Variants in SBF2 observed in about 807,000 individuals in gnomAD.
SBF2 encodes SET binding factor 2.
SBF2 carries 112 observed loss-of-function variants against 225.2 expected under a neutral mutation model. The observed-to-expected ratio is 0.50, with a 90% confidence interval of 0.43 to 0.58. SBF2 has a LOEUF of 0.58. Among genes scored for constraint, SBF2 ranks in the 20% least tolerant of loss-of-function variants. The pLI is 0.00. For missense variants in SBF2, 1,996 were observed against 2,206.2 expected, an observed-to-expected ratio of 0.90 and a Z score of 1.91; for synonymous variants, 763 against 773.3, an observed-to-expected ratio of 0.99 and a Z score of 0.22.
At chr11:10,169,431 G>A (rs957386019) in intron 2 of SBF2, among the ~76,000 whole-genome samples, 1 of 152,142 alleles carries the variant, frequency 6.6e-6, no homozygotes, top group Non-Finnish European at 1.5e-5. Context: ...AAGTGAGAAT[G>A]TGCAAAGTTT....
At chr11:9,959,373 G>T (rs1866409366) in intron 16 of SBF2, 1 of 794,988 alleles carries the variant, frequency 1.3e-6, no homozygotes, top group Admixed American at 1.7e-5. Flanking sequence ...CAACCAAAGG[G>T]GTGCCCGTCT....
intron 16 of SBF2, chr11:9,958,079 T>C (rs1362137997): frequency 6.6e-6 from 1 of 152,138 alleles, no homozygotes; most frequent in Admixed American, 6.6e-5. Flanking sequence ...GGTCTTCCCC[T>C]CTCAGGTCCC....
chr11:9,954,749 A>C (rs985466937), intron 16 of SBF2, among the ~76,000 whole-genome samples: 1 of 152,172 alleles, frequency 6.6e-6, no homozygotes. Context: ...ATTCAAATGA[A>C]AAATATTTGT....
intron 9 of SBF2, among the ~76,000 whole-genome samples, chr11:9,996,885 C>T (rs1475572325): frequency 1.3e-5 from 2 of 152,194 alleles, no homozygotes; most frequent in Non-Finnish European, 1.5e-5. Flanking sequence ...AACATTCAAC[C>T]TACAGGTAAA....
At chr11:9,833,364 A>G (rs12416694) in intron 26 of SBF2, among the ~76,000 whole-genome samples, 31,273 of 151,724 alleles carry the variant, frequency 0.21, 3,545 homozygotes, top group Non-Finnish European at 0.26. Context: ...ATATTACACA[A>G]AACAGATTTT....
chr11:10,266,122 A>G (rs1961959765), intron 1 of SBF2, among the ~76,000 whole-genome samples: 2 of 152,322 alleles, frequency 1.3e-5, no homozygotes, highest in African/African-American at 4.8e-5. Context: ...GCTACTACTC[A>G]TACTTTTATC....
intron 26 of SBF2, chr11:9,839,169 CTT>C: frequency 2.9e-6 from 1 of 343,308 alleles, no homozygotes; most frequent in Non-Finnish European, 5.6e-6. Flanking sequence ...CTACAAAAGA[CTT>C]TCATGTCCTC....
chr11:9,787,682 C>T lies in SBF2; in HGVS notation c.4989G>A (p.Leu1663=), dbSNP rs756245163. 1 of 1,614,134 alleles carries T rather than the reference C, an allele frequency of 6.2e-7. No homozygotes were observed. Among genetic ancestry groups the T allele is most frequent in the African/African-American group, 1.3e-5 (1 of 74,936 alleles). The change falls in exon 36 of 40, where the codon CTG becomes CTA. Residue 1663 remains leucine, a synonymous_variant. Transcript: ENST00000256190. ...LNQAPEKWQQ[L]WERVTVDLKE... ...TAAGGTCCACGGTTACCCTTTCCCA[C>T]AGCTGCTGCCACTTCTCAGGGGCTT...
chr11:9,969,382 T>C (rs930626896), intron 13 of SBF2, among the ~76,000 whole-genome samples: 3 of 152,232 alleles, frequency 2.0e-5, no homozygotes, highest in Non-Finnish European at 4.4e-5. Context: ...AGTATGTCAG[T>C]TCATCACATA....
intron 16 of SBF2, among the ~76,000 whole-genome samples, chr11:9,896,924 G>A (rs1344311249): frequency 6.6e-6 from 1 of 152,112 alleles, no homozygotes; most frequent in East Asian, 1.9e-4. Context: ...AGGTAAAATG[G>A]CACAGTGACT....
Position 9,845,585 on chromosome 11 carries a change from C to T in SBF2, c.3090G>A (p.Lys1030=). ...CTTACCGAAAAGAAGTGTTCTTTTCCTTCTGTTTTGGTAAAATTATTTGTG... is the reference window on the plus strand; with the variant it reads ...CTTACCGAAAAGAAGTGTTCTTTTCTTTCTGTTTTGGTAAAATTATTTGTG... ...TTPQIILPKQ[K]EKNTSFRTFS... The change falls in exon 24 of 40, where the codon AAG becomes AAA. Residue 1030 remains lysine (K), a synonymous_variant. Coordinates refer to ENST00000256190, the MANE Select transcript of SBF2 (RefSeq NM_030962.4). The T allele has an allele frequency of 6.2e-7, 1 of 1,613,744 alleles. No individual in the cohort carries two copies. The highest frequency in any genetic ancestry group is 8.5e-7 in the Non-Finnish European group (1 of 1,179,714).
At chr11:9,905,373 A>G (rs192640414) in intron 16 of SBF2, among the ~76,000 whole-genome samples, 1 of 152,364 alleles carries the variant, frequency 6.6e-6, no homozygotes, top group Non-Finnish European at 1.5e-5. Context: ...AAAGAACAGT[A>G]GAACAAATGA....
At chr11:9,825,412 GTGA>G (rs1290463164) in intron 28 of SBF2, among the ~76,000 whole-genome samples, 2 of 152,178 alleles carry the variant, frequency 1.3e-5, no homozygotes, top group Non-Finnish European at 2.9e-5. Flanking sequence ...TTCCAGAACT[GTGA>G]GACAATAGTT....
chr11:10,012,903 G>A (rs1948511527), intron 6 of SBF2, among the ~76,000 whole-genome samples: 1 of 151,998 alleles, frequency 6.6e-6, no homozygotes, highest in Admixed American at 6.6e-5. Flanking sequence ...GGCTTCCTAG[G>A]GGTTATCCCT....
intron 17 of SBF2, among the ~76,000 whole-genome samples, chr11:9,874,779 T>C (rs1289675245): frequency 1.3e-5 from 2 of 152,220 alleles, no homozygotes. Flanking sequence ...TATTATTGGA[T>C]AAGTCACCTA....
Position 10,294,116 on chromosome 11 carries a change from G to A in SBF2, c.-47C>T. On this transcript the variant is annotated 5_prime_UTR_variant, in exon 1 of 40. It introduces an in-frame stop codon into an upstream open reading frame of the 5' UTR. Transcript: ENST00000256190. ...GAAGCGGGTCCCCGTCGCCGCCCTC[G>A]CCGCCGCCGCCCACCCGGCCCGGGA... 3.1e-6 allele frequency: 4 copies of A among 1,276,562 alleles called. No individual in the cohort carries two copies. The highest frequency in any genetic ancestry group is 2.4e-5 in the South Asian group (1 of 42,118). 79.1% of individuals were successfully genotyped at this position (1,276,562 alleles called of 1,614,324 possible). A position where few individuals can be genotyped will look rare whatever the true frequency, so the allele number is the denominator to read the frequency against.
At chr11:9,835,228 G>A (rs1444969772) in intron 26 of SBF2, among the ~76,000 whole-genome samples, 1 of 151,862 alleles carries the variant, frequency 6.6e-6, no homozygotes, top group Non-Finnish European at 1.5e-5. Context: ...CAAAACCTAG[G>A]TGATATCACT....
At chr11:9,928,416 T>C (rs1452456425) in intron 16 of SBF2, among the ~76,000 whole-genome samples, 1 of 152,144 alleles carries the variant, frequency 6.6e-6, no homozygotes, top group East Asian at 1.9e-4. Flanking sequence ...ACACACCTAT[T>C]AGGATGGCTT....
At chr11:9,931,080 T>C (rs914606757) in intron 16 of SBF2, among the ~76,000 whole-genome samples, 1 of 152,246 alleles carries the variant, frequency 6.6e-6, no homozygotes, top group East Asian at 1.9e-4. Flanking sequence ...GCAGCTTGCG[T>C]AGGTAAACAA....
Sources: allele counts gnomAD v4.1 joint callset (sites outside exome capture counted in the v4.1 genomes callset), GRCh38; gene constraint gnomAD v4.1.1; transcripts MANE v1.5; gene names NCBI Gene and HGNC (gene_info 2026-07-23, HGNC 2026-07-21).